Variants in DOCK4 observed in about 807,000 individuals in gnomAD.
The protein encoded by DOCK4 is dedicator of cytokinesis protein 4.
A neutral mutation model predicts 268.1 loss-of-function variants in DOCK4; 97 were observed. The observed-to-expected ratio is 0.36, with a 90% CI of 0.31 to 0.43. The LOEUF (loss-of-function observed/expected upper bound fraction) is 0.43, where lower values mean the gene tolerates loss of function less well. DOCK4 is among the 20% of genes least tolerant of loss of function. The pLI is 1.00. For synonymous variants in DOCK4, 954 were observed against 887.2 expected, an observed-to-expected ratio of 1.08 and a Z score of -1.34; for missense variants, 2,145 against 2,455.7, an observed-to-expected ratio of 0.87 and a Z score of 2.67.
At chr7:112,159,415 T>G (rs1399039221) in intron 1 of DOCK4, among the ~76,000 whole-genome samples, 1 of 152,104 alleles carries the variant, frequency 6.6e-6, no homozygotes, top group Non-Finnish European at 1.5e-5. Context: ...TCAAATGCAT[T>G]CATAGCCCAA....
intron 8 of DOCK4, among the ~76,000 whole-genome samples, chr7:111,947,751 T>G (rs968411874): frequency 2.6e-5 from 4 of 151,892 alleles, no homozygotes; most frequent in Admixed American, 2.6e-4. Context: ...CGGGGGGAGG[T>G]CTCACTCTTT....
At chr7:111,985,172 T>TC (rs761958154) in intron 6 of DOCK4, among the ~76,000 whole-genome samples, 8 of 152,098 alleles carry the variant, frequency 5.3e-5, no homozygotes, top group Non-Finnish European at 1.0e-4. Flanking sequence ...CCTAGCATGA[T>TC]CCCCTCCAGG....
rs1807549019 is a variant in DOCK4 at position 111,883,098 on chromosome 7, T to C, written c.1588-5912A>G. ...CATTGCTTTTACTACTGCAAAGTAA[T>C]TCATATAGACAGAAGAATGCATAAA... On this transcript the variant is annotated intron_variant, in intron 16 of 52. Transcript: ENST00000428084. Among the ~76,000 whole-genome samples, 3 of 152,322 alleles carry C rather than the reference T, an allele frequency of 2.0e-5. No individual in the cohort carries two copies. In the South Asian group the frequency reaches 6.2e-4, roughly 32 times the overall value.
chr7:112,124,428 A>T (rs1050859837), intron 1 of DOCK4, among the ~76,000 whole-genome samples: 2 of 152,266 alleles, frequency 1.3e-5, no homozygotes, highest in African/African-American at 2.4e-5. Flanking sequence ...CACTATTTAA[A>T]TAAGAAATGA....
chr7:112,038,644 G>A (rs1804068550), intron 1 of DOCK4, among the ~76,000 whole-genome samples: 1 of 152,188 alleles, frequency 6.6e-6, no homozygotes, highest in Admixed American at 6.5e-5. Context: ...CATTAAGTGT[G>A]TGTCTTGACA....
chr7:112,162,652 T>C lies in DOCK4; in HGVS notation c.37+43450A>G, dbSNP rs147011820. ...GAGTCCTAAGAAACTCCATATAACCTCTGCCCCTGGACTACTTTGAGGAGG... is the reference window on the plus strand; with the variant it reads ...GAGTCCTAAGAAACTCCATATAACCCCTGCCCCTGGACTACTTTGAGGAGG... On this transcript the variant is annotated intron_variant, in intron 1 of 52. Coordinates refer to ENST00000428084, the MANE Select transcript of DOCK4 (RefSeq NM_001363540.2). Among the ~76,000 whole-genome samples, 5 of 151,964 alleles carry C rather than the reference T, an allele frequency of 3.3e-5. No homozygotes were observed. The East Asian group carries it at 7.8e-4, about 24-fold the overall frequency.
chr7:112,084,222 C>A (rs1294349945), intron 1 of DOCK4, among the ~76,000 whole-genome samples: 10 of 152,274 alleles, frequency 6.6e-5, no homozygotes, highest in African/African-American at 2.2e-4. Context: ...TTAGTTTAAG[C>A]CACTGAGTTG....
chr7:112,133,070 T>C (rs970075329), intron 1 of DOCK4, among the ~76,000 whole-genome samples: 2 of 152,202 alleles, frequency 1.3e-5, no homozygotes, highest in Admixed American at 6.5e-5. Flanking sequence ...TTCTCTAATA[T>C]TGAAGTCCTT....
intron 36 of DOCK4, among the ~76,000 whole-genome samples, chr7:111,776,977 G>A (rs1225703939): frequency 2.0e-5 from 3 of 152,076 alleles, no homozygotes; most frequent in African/African-American, 7.2e-5. Context: ...CCACCATGAC[G>A]GGCTAATTTT....
intron 44 of DOCK4, 119 bp from the exon 45 acceptor site, chr7:111,742,251 T>C: frequency 9.1e-7 from 1 of 1,097,358 alleles, no homozygotes; most frequent in East Asian, 3.0e-5. Context: ...CCTCTGCCTC[T>C]GACAAGGTAG....
At chr7:112,178,886 G>T (rs538609415) in intron 1 of DOCK4, among the ~76,000 whole-genome samples, 2 of 152,236 alleles carry the variant, frequency 1.3e-5, no homozygotes, top group South Asian at 4.1e-4. Flanking sequence ...GGTTTTGTAC[G>T]TATCCTCATA....
chr7:112,018,179 A>AC lies in DOCK4; in HGVS notation c.38-14049_38-14048insG, dbSNP rs1201145657. Among the ~76,000 whole-genome samples the AC allele has an allele frequency of 5.4e-3, 390 of 72,626 alleles. 27 individuals are homozygous for AC. Among genetic ancestry groups the AC allele is most frequent in the African/African-American group, 0.02 (364 of 18,508 alleles). 47.6% of individuals were successfully genotyped at this position (72,626 alleles called of 152,430 possible). ...AAAAAAAAAAAAAAAAAAAAAAAAAAACACAGGCAACCAGTATTCATGTGG... is the reference window on the plus strand; with the variant it reads ...AAAAAAAAAAAAAAAAAAAAAAAAAACACACAGGCAACCAGTATTCATGTGG... On this transcript the variant is annotated intron_variant, in intron 1 of 52. Coordinates refer to ENST00000428084, the MANE Select transcript of DOCK4 (RefSeq NM_001363540.2).
intron 1 of DOCK4, among the ~76,000 whole-genome samples, chr7:112,017,802 T>C (rs1801941196): frequency 6.6e-6 from 1 of 152,100 alleles, no homozygotes; most frequent in African/African-American, 2.4e-5. Flanking sequence ...GTTGAGGGAA[T>C]GAAGACTCAT....
chr7:112,193,132 T>C (rs1350776453), intron 1 of DOCK4, among the ~76,000 whole-genome samples: 2 of 152,108 alleles, frequency 1.3e-5, no homozygotes, highest in East Asian at 1.9e-4. Flanking sequence ...TAGGTTTTTA[T>C]AAAAAACTGT....
chr7:112,006,850 A>T (rs1800903760), intron 1 of DOCK4, among the ~76,000 whole-genome samples: 1 of 152,174 alleles, frequency 6.6e-6, no homozygotes, highest in East Asian at 1.9e-4. Context: ...TCAGCATCTC[A>T]TGAGGCCCTT....
chr7:111,872,377 G>T, intron 18 of DOCK4, 25 bp from the exon 19 acceptor site: 1 of 1,525,976 alleles, frequency 6.6e-7, no homozygotes, highest in South Asian at 1.2e-5. Context: ...AGTAGCAAAT[G>T]AGTAAATAAG....
At chr7:111,812,570 A>C (rs560581579) in intron 27 of DOCK4, among the ~76,000 whole-genome samples, 152 of 152,354 alleles carry the variant, frequency 1.0e-3, no homozygotes, top group African/African-American at 3.6e-3. Context: ...GCAACATTCC[A>C]TATTTGATTA....
intron 21 of DOCK4, 27 bp from the exon 22 acceptor site, chr7:111,868,181 G>T: frequency 1.3e-6 from 2 of 1,527,996 alleles, no homozygotes; most frequent in Non-Finnish European, 1.8e-6. Context: ...TTAAAAGTTA[G>T]CTTCAAAGGA....
chr7:111,883,605 A>T (rs1807600161), intron 16 of DOCK4, among the ~76,000 whole-genome samples: 1 of 152,024 alleles, frequency 6.6e-6, no homozygotes, highest in Non-Finnish European at 1.5e-5. Flanking sequence ...ATGTAGCTCA[A>T]CTGGTTGCCA....
Sources: allele counts gnomAD v4.1 joint callset (sites outside exome capture counted in the v4.1 genomes callset), GRCh38; gene constraint gnomAD v4.1.1; transcripts MANE v1.5; gene names NCBI Gene and HGNC (gene_info 2026-07-23, HGNC 2026-07-21).